Variants in GNPTAB observed in about 807,000 individuals in gnomAD.
GNPTAB encodes the protein N-acetylglucosamine-1-phosphotransferase subunits alpha/beta.
In GNPTAB, 92 loss-of-function variants were observed where a neutral mutation model predicts 136.6. The observed-to-expected ratio is 0.67, with a 90% CI of 0.57 to 0.80. The LOEUF (loss-of-function observed/expected upper bound fraction) is 0.80, where lower values mean the gene tolerates loss of function less well. Among genes scored for constraint, GNPTAB ranks in the 30% least tolerant of loss-of-function variants. GNPTAB has a pLI of 0.00. For synonymous variants in GNPTAB, 512 were observed against 535.1 expected, an observed-to-expected ratio of 0.96 and a Z score of 0.60; for missense variants, 1,343 against 1,501.8, an observed-to-expected ratio of 0.89 and a Z score of 1.75.
chr12:101,774,071 T>A (rs762555425), intron 7 of GNPTAB, among the ~76,000 whole-genome samples: 1 of 152,214 alleles, frequency 6.6e-6, no homozygotes, highest in Non-Finnish European at 1.5e-5. Flanking sequence ...AGCAGCATCA[T>A]CTAGAACAAC....
At position 101,830,552 on chromosome 12, in the gene GNPTAB, T is replaced by A. The variant is rs1871314177; in HGVS notation, c.117+7A>T. On this transcript the variant is annotated splice_region_variant and intron_variant, in intron 1 of 20. Coordinates refer to ENST00000299314, the MANE Select transcript of GNPTAB (RefSeq NM_024312.5). ...CGCCCGGTCCAGGCTGCGGCGCCGC[T>A]ACTCACCTCTCCGAACTGGAAGGCG... The A allele has an allele frequency of 6.3e-7, 1 of 1,579,480 alleles. No homozygotes were observed. The highest frequency in any genetic ancestry group is 1.3e-5 in the African/African-American group (1 of 74,082).
intron 2 of GNPTAB, among the ~76,000 whole-genome samples, chr12:101,795,378 T>C (rs1869219202): frequency 6.6e-6 from 1 of 152,234 alleles, no homozygotes; most frequent in Non-Finnish European, 1.5e-5. Flanking sequence ...CAAAGTGCTT[T>C]AGTTTATAAG....
At chr12:101,779,450 A>T (rs1953307254) in intron 7 of GNPTAB, 1 of 153,308 alleles carries the variant, frequency 6.5e-6, no homozygotes, top group African/African-American at 2.4e-5. Context: ...ATCTGAAAAC[A>T]ATACATGTTA....
chr12:101,809,550 A>T (rs1014064513), intron 1 of GNPTAB, among the ~76,000 whole-genome samples: 12 of 152,248 alleles, frequency 7.9e-5, no homozygotes, highest in Admixed American at 2.6e-4. Flanking sequence ...ATGGCACCAG[A>T]CAATGGAATA....
chr12:101,764,958 A>G lies in GNPTAB; in HGVS notation c.1959T>C (p.Val653=), dbSNP rs907316491. 1.2e-6 allele frequency: 2 copies of G among 1,614,050 alleles called. No homozygotes were observed. Among genetic ancestry groups the G allele is most frequent in the Admixed American group, 1.7e-5 (1 of 60,010 alleles). ...STAQKGYENL[V]SPITLLPEAE... Reference sequence around the variant, plus strand: ...CCTCTGGAAGAAGTGTTATGGGACTAACTAAATTTTCGTAACCCTTCTGGG... The same window carrying G: ...CCTCTGGAAGAAGTGTTATGGGACTGACTAAATTTTCGTAACCCTTCTGGG... Residue 653 remains valine, a synonymous_variant, in exon 13 of 21, where the codon GTT becomes GTC. Transcript: ENST00000299314.
chr12:101,785,734 T>A, intron 5 of GNPTAB: 1 of 392,214 alleles, frequency 2.5e-6, no homozygotes, highest in South Asian at 3.0e-5. Flanking sequence ...GCCTCTAGAA[T>A]AATTCAGAGC....
At chr12:101,798,964 G>C (rs1347507145) in intron 1 of GNPTAB, among the ~76,000 whole-genome samples, 1 of 152,098 alleles carries the variant, frequency 6.6e-6, no homozygotes, top group Non-Finnish European at 1.5e-5. Flanking sequence ...AAGTTGAATG[G>C]TTTGACACGT....
In GNPTAB at chr12:101,771,080, T is replaced by C; in HGVS notation, c.849A>G (p.Gln283=). 6.2e-7 allele frequency: 1 copy of C among 1,613,976 alleles called. No individual in the cohort carries two copies. The highest frequency in any genetic ancestry group is 8.5e-7 in the Non-Finnish European group (1 of 1,179,802). ...CATCAATGGTCATGTTCTTCTTAGTTTGCTTATTCAATTCTTGAAAATCCT... is the reference window on the plus strand; with the variant it reads ...CATCAATGGTCATGTTCTTCTTAGTCTGCTTATTCAATTCTTGAAAATCCT... ...NPKDFQELNK[Q]TKKNMTIDGK... Residue 283 remains glutamine (Q), a synonymous_variant, in exon 8 of 21, where the codon CAA becomes CAG. Transcript: ENST00000299314.
chr12:101,818,992 G>A (rs1234800143), intron 1 of GNPTAB, among the ~76,000 whole-genome samples: 1 of 151,794 alleles, frequency 6.6e-6, no homozygotes, highest in Non-Finnish European at 1.5e-5. Context: ...ATGTGGAACT[G>A]CAAGTACATT....
chr12:101,757,621 G>T lies in GNPTAB; in HGVS notation c.3286C>A (p.Pro1096Thr). The T allele has an allele frequency of 1.9e-6, 3 of 1,588,502 alleles. No individual in the cohort carries two copies. Among genetic ancestry groups the T allele is most frequent in the Non-Finnish European group, 2.6e-6 (3 of 1,157,012 alleles). Residue 1096 changes from proline (P) to threonine (T), a missense_variant, in exon 17 of 21, where the codon CCA becomes ACA. Pro to Thr is a conservative substitution (Grantham distance 38). Transcript: ENST00000299314. ...GCTTTGTGGATTTTGTCAGTTACTG[G>T]TTTACAGTTTGTTACTAGACTTTTA... ...VTKSLVTNCK[P>T]VTDKIHKAYK...
chr12:101,830,601 C>A lies in GNPTAB; in HGVS notation c.75G>T (p.Leu25Phe). The stretch of plus-strand genomic sequence containing the variant: ...CGGAGACGATGGTGACAACGACGCC[C>A]AAGAAGCACACGTAGAGCCCATACC... The part of the protein sequence containing the change: ...SHRYGLYVCF[L>F]GVVVTIVSAF... The change falls in exon 1 of 21, where the codon TTG becomes TTT. Residue 25 changes from leucine (L) to phenylalanine (F), a missense_variant. By Grantham distance (22) the Leu-to-Phe change is conservative. Coordinates refer to ENST00000299314, the MANE Select transcript of GNPTAB (RefSeq NM_024312.5). 1 of 1,613,074 alleles carries A rather than the reference C, an allele frequency of 6.2e-7. No homozygotes were observed. Among genetic ancestry groups the A allele is most frequent in the South Asian group, 1.1e-5 (1 of 91,038 alleles).
At position 101,792,371 on chromosome 12, in the gene GNPTAB, T is replaced by C. The variant is rs1221497308; in HGVS notation, c.204-2314A>G. Among the ~76,000 whole-genome samples the C allele has an allele frequency of 2.6e-5, 4 of 152,208 alleles. No individual in the cohort carries two copies. In the East Asian group the frequency reaches 7.7e-4, roughly 29 times the overall value. On this transcript the variant is annotated intron_variant, in intron 2 of 20. Transcript: ENST00000299314. ...GAGATAACAGAGTTCCAGAGCTTCA[T>C]CTGGAAAATAAGGAATCACCTTATT...
At chr12:101,800,343 T>G (rs542599055) in intron 1 of GNPTAB, among the ~76,000 whole-genome samples, 1 of 151,998 alleles carries the variant, frequency 6.6e-6, no homozygotes, top group East Asian at 1.9e-4. Context: ...TATAAAAAAT[T>G]TTTTAATTAA....
At chr12:101,760,844 A>G (rs1952981235) in intron 15 of GNPTAB, among the ~76,000 whole-genome samples, 1 of 151,212 alleles carries the variant, frequency 6.6e-6, no homozygotes, top group African/African-American at 2.4e-5. Context: ...CAGTGGCGCA[A>G]TCTTGGCTCA....
At chr12:101,821,603 G>A (rs750978315) in intron 1 of GNPTAB, among the ~76,000 whole-genome samples, 5 of 152,158 alleles carry the variant, frequency 3.3e-5, no homozygotes, top group Admixed American at 1.3e-4. Flanking sequence ...AGGAGGTGGC[G>A]ATCAGAGGAG....
chr12:101,779,255 A>G (rs10860784), intron 7 of GNPTAB: 14,998 of 152,280 alleles, frequency 0.098, 879 homozygotes, highest in Middle Eastern at 0.2. Flanking sequence ...ACATTTCTTT[A>G]TAAAATCAGG....
At chr12:101,827,410 A>T (rs991469264) in intron 1 of GNPTAB, among the ~76,000 whole-genome samples, 4 of 150,100 alleles carry the variant, frequency 2.7e-5, no homozygotes, top group African/African-American at 7.3e-5. Context: ...CTTTATTTTT[A>T]TTTTTTTTTG....
chr12:101,816,911 G>A (rs899961053), intron 1 of GNPTAB, among the ~76,000 whole-genome samples: 25 of 152,154 alleles, frequency 1.6e-4, no homozygotes, highest in African/African-American at 4.6e-4. Flanking sequence ...TGGAACCAGA[G>A]GACATGATGT....
intron 2 of GNPTAB, chr12:101,796,403 A>G: frequency 6.2e-6 from 4 of 649,210 alleles, no homozygotes; most frequent in Middle Eastern, 2.5e-4. Context: ...TTCTTTCCTT[A>G]TTTTAAAAAA....
Sources: allele counts gnomAD v4.1 joint callset (sites outside exome capture counted in the v4.1 genomes callset), GRCh38; gene constraint gnomAD v4.1.1; transcripts MANE v1.5; gene names NCBI Gene and HGNC (gene_info 2026-07-23, HGNC 2026-07-21).